The following SLC51A variants were observed in gnomAD, a reference collection of about 807,000 sequenced individuals.
The protein encoded by SLC51A is organic solute transporter subunit alpha.
SLC51A carries 22 observed loss-of-function variants against 34.8 expected under a neutral mutation model. The observed-to-expected ratio is 0.63, with a 90% CI of 0.45 to 0.90. The LOEUF is 0.90. Among genes scored for constraint, SLC51A ranks in the 40% least tolerant of loss-of-function variants. The pLI, the probability that SLC51A is intolerant of heterozygous loss-of-function variation, is 0.00. For missense variants in SLC51A, 371 were observed against 414.8 expected, an observed-to-expected ratio of 0.89 and a Z score of 0.92; for synonymous variants, 181 against 176.3, an observed-to-expected ratio of 1.03 and a Z score of -0.21.
intron 2 of SLC51A, 114 bp downstream of exon 2, chr3:196,218,050 T>C (rs536521548): frequency 1.1e-6 from 1 of 901,230 alleles, no homozygotes; most frequent in East Asian, 2.7e-5. Flanking sequence ...GGAGAATAAC[T>C]GGCCCGGTGT....
chr3:196,227,958 C>A, intron 4 of SLC51A, 157 bp from the exon 5 acceptor site: 1 of 1,063,040 alleles, frequency 9.4e-7, no homozygotes, highest in Non-Finnish European at 1.4e-6. Flanking sequence ...AATTCCCCTT[C>A]TCCCAGTCCT....
chr3:196,224,406 G>A (rs1188601311), intron 2 of SLC51A, among the ~76,000 whole-genome samples: 3 of 150,556 alleles, frequency 2.0e-5, no homozygotes, highest in Admixed American at 6.7e-5. Flanking sequence ...GTAGAAACGC[G>A]GTTGTCGGCT....
Position 196,227,715 on chromosome 3 carries a change from C to G in SLC51A, c.340C>G (p.Leu114Val). The change falls in exon 4 of 9, where the codon CTG becomes GTG. Residue 114 changes from leucine to valine, a missense_variant. By Grantham distance (32) the Leu-to-Val change is conservative. Coordinates refer to ENST00000296327, the MANE Select transcript of SLC51A (RefSeq NM_152672.6). ...FGLWIPRSLV[L>V]VEMTITSFYA... ...TCTCTGGATCCCTCGTTCCCTGGTGCTGGTGGAAATGACCATCACCTCGTG... is the reference window on the plus strand; with the variant it reads ...TCTCTGGATCCCTCGTTCCCTGGTGGTGGTGGAAATGACCATCACCTCGTG... 1 of 1,613,668 alleles carries G rather than the reference C, an allele frequency of 6.2e-7. No homozygotes were observed. The highest frequency in any genetic ancestry group is 8.5e-7 in the Non-Finnish European group (1 of 1,179,806).
At position 196,228,343 on chromosome 3, in the gene SLC51A, G is replaced by C; in HGVS notation, c.521+70G>C. The C allele has an allele frequency of 2.6e-6, 4 of 1,527,260 alleles. No homozygotes were observed. The highest frequency in any genetic ancestry group is 2.1e-5 in the Admixed American group (1 of 47,308). The allele number at this position is 1,527,260 out of a possible 1,614,324, so 94.6% of individuals were successfully genotyped here. On this transcript the variant is annotated intron_variant, in intron 5 of 8. Coordinates refer to ENST00000296327, the MANE Select transcript of SLC51A (RefSeq NM_152672.6). This position sits in a 1 kb window ranked among gnomAD's most constrained non-coding sequence, Gnocchi z 4.9. The stretch of plus-strand genomic sequence containing the variant: ...TCCTGGACCCCTGGTCCCCTTCAAG[G>C]CTCTGGGAATTAGGCGTGAATAGGC...
At position 196,216,782 on chromosome 3, in the gene SLC51A, G is replaced by T. The variant is rs199545046; in HGVS notation, c.38+32G>T. The T allele has an allele frequency of 6.4e-6, 10 of 1,555,996 alleles. No homozygotes were observed. Among genetic ancestry groups the T allele is most frequent in the East Asian group, 2.4e-5 (1 of 41,668 alleles). Reference sequence around the variant, plus strand: ...GAGGGCGGCGGGCCCTGGGCCAGTCGCTGGGCAGCGGTGGCCCCTATCCCG... The same window carrying T: ...GAGGGCGGCGGGCCCTGGGCCAGTCTCTGGGCAGCGGTGGCCCCTATCCCG... On this transcript the variant is annotated intron_variant, in intron 1 of 8. Transcript: ENST00000296327. This position sits in a 1 kb window ranked among gnomAD's most constrained non-coding sequence, Gnocchi z 4.5.
At position 196,222,889 on chromosome 3, in the gene SLC51A, A is replaced by G. The variant is rs548134417; in HGVS notation, c.134-4076A>G. ...CTCCTAAGAAGATAGTTTGATGGAC[A>G]GACCCAGTATCGGGCTATGGATGCT... On this transcript the variant is annotated intron_variant, in intron 2 of 8. Transcript: ENST00000296327. Among the ~76,000 whole-genome samples the G allele has an allele frequency of 2.0e-4, 30 of 152,008 alleles. 2 individuals carry two copies. The highest frequency in any genetic ancestry group is 3.5e-4 in the Non-Finnish European group (24 of 67,870).
At chr3:196,229,765 G>C in intron 6 of SLC51A, 150 bp from the exon 7 acceptor site, 1 of 816,310 alleles carries the variant, frequency 1.2e-6, no homozygotes, top group Non-Finnish European at 1.8e-6. Flanking sequence ...GAGGCGAGGG[G>C]ATCACTGGAG....
intron 7 of SLC51A, 95 bp downstream of exon 7, chr3:196,230,156 G>A (rs1723999444): frequency 5.7e-6 from 7 of 1,229,578 alleles, no homozygotes; most frequent in Non-Finnish European, 7.5e-6. Flanking sequence ...AGTGGGCCGG[G>A]AATCTTTTTC....
chr3:196,231,509 G>A (rs763081421), intron 7 of SLC51A, among the ~76,000 whole-genome samples: 6 of 152,246 alleles, frequency 3.9e-5, no homozygotes, highest in East Asian at 1.9e-4. Flanking sequence ...TTTGATCTAC[G>A]TACATGCCTC....
In SLC51A at chr3:196,216,843, G is replaced by T; in HGVS notation, c.38+93G>T. On this transcript the variant is annotated intron_variant, in intron 1 of 8. Coordinates refer to ENST00000296327, the MANE Select transcript of SLC51A (RefSeq NM_152672.6). This position sits in a 1 kb window ranked among gnomAD's most constrained non-coding sequence, Gnocchi z 4.5. Reference sequence around the variant, plus strand: ...TCTCTCCCTCCCAGAGCCCTTTGGCGGCCGCACTCAGAATGAGACAGGACT... The same window carrying T: ...TCTCTCCCTCCCAGAGCCCTTTGGCTGCCGCACTCAGAATGAGACAGGACT... 7.6e-7 allele frequency: 1 copy of T among 1,308,988 alleles called. No individual in the cohort carries two copies. The allele number at this position is 1,308,988 out of a possible 1,614,324, so 81.1% of individuals were successfully genotyped here.
Position 196,228,996 on chromosome 3 carries a change from C to A in SLC51A, c.633+76C>A. 1.6e-6 allele frequency: 2 copies of A among 1,235,256 alleles called. No homozygotes were observed. The highest frequency in any genetic ancestry group is 2.3e-5 in the East Asian group (1 of 42,906). The allele number at this position is 1,235,256 out of a possible 1,614,324, so 76.5% of individuals were successfully genotyped here. Reference sequence around the variant, plus strand: ...GTGTTCTAAAAGGAATCACCAGAGCCAACACCCCTTGACAGAGGGCCCCAG... The same window carrying A: ...GTGTTCTAAAAGGAATCACCAGAGCAAACACCCCTTGACAGAGGGCCCCAG... On this transcript the variant is annotated intron_variant, in intron 6 of 8. Coordinates refer to ENST00000296327, the MANE Select transcript of SLC51A (RefSeq NM_152672.6). This position sits in a 1 kb window ranked among gnomAD's most constrained non-coding sequence, Gnocchi z 4.9.
intron 2 of SLC51A, among the ~76,000 whole-genome samples, chr3:196,219,423 T>C (rs902579834): frequency 6.6e-6 from 1 of 152,222 alleles, no homozygotes; most frequent in African/African-American, 2.4e-5. Context: ...TACAAGTCTG[T>C]GTCTCTGTAG....
Position 196,228,715 on chromosome 3 carries a change from C to G in SLC51A, c.522-94C>G. 9.8e-7 allele frequency: 1 copy of G among 1,021,728 alleles called. No individual in the cohort carries two copies. Among genetic ancestry groups the G allele is most frequent in the Non-Finnish European group, 1.5e-6 (1 of 647,980 alleles). The allele number at this position is 1,021,728 out of a possible 1,614,324, so 63.3% of individuals were successfully genotyped here. ...CCTGGTTGGTGTTTATGACAGCAGC[C>G]GAGCCTCAGCCCAGGAGCCCTGTGA... is the stretch of plus-strand genomic sequence containing the variant. On this transcript the variant is annotated intron_variant, in intron 5 of 8. Coordinates refer to ENST00000296327, the MANE Select transcript of SLC51A (RefSeq NM_152672.6). The surrounding 1 kb of genome is among the most constrained non-coding windows in gnomAD (Gnocchi z 4.9).
At position 196,228,225 on chromosome 3, in the gene SLC51A, GC is replaced by G; in HGVS notation, c.477del (p.Cys160AlafsTer21). On this transcript the variant is annotated frameshift_variant, in exon 5 of 9. Coordinates refer to ENST00000296327, the MANE Select transcript of SLC51A (RefSeq NM_152672.6). LOFTEE classifies it high-confidence loss of function. The surrounding 1 kb of genome is among the most constrained non-coding windows in gnomAD (Gnocchi z 4.9). ...GACACCCCGATGATGGTCCACACAG[GC>G]CCCTGCTGCTGCTGCTGCCCCTGCT... is the stretch of plus-strand genomic sequence containing the variant. ...LRDTPMMVHT[G>X]PCCCCCPCCP... 2 of 1,613,778 alleles carry G rather than the reference GC, an allele frequency of 1.2e-6. No individual in the cohort carries two copies. Among genetic ancestry groups the G allele is most frequent in the Non-Finnish European group, 1.7e-6 (2 of 1,179,992 alleles).
Position 196,233,291 on chromosome 3 carries a change from C to A in SLC51A, c.*92C>A. On this transcript the variant is annotated 3_prime_UTR_variant, in exon 9 of 9. Transcript: ENST00000296327. Reference sequence around the variant, plus strand: ...CAACCTTGACCAAATGGGAAGCATTCCCCCTTGTCAACACAAGCTGGCAGA... The same window carrying A: ...CAACCTTGACCAAATGGGAAGCATTACCCCTTGTCAACACAAGCTGGCAGA... 1 of 1,403,248 alleles carries A rather than the reference C, an allele frequency of 7.1e-7. No homozygotes were observed. The highest frequency in any genetic ancestry group is 9.7e-7 in the Non-Finnish European group (1 of 1,027,340). 86.9% of individuals were successfully genotyped at this position (1,403,248 alleles called of 1,614,324 possible).
chr3:196,216,623 G>C lies in SLC51A; in HGVS notation c.-90G>C. The C allele has an allele frequency of 7.2e-7, 1 of 1,380,244 alleles. No individual in the cohort carries two copies. The highest frequency in any genetic ancestry group is 1.0e-6 in the Non-Finnish European group (1 of 997,208). 85.5% of individuals were successfully genotyped at this position (1,380,244 alleles called of 1,614,324 possible). A position where few individuals can be genotyped will look rare whatever the true frequency, so the allele number is the denominator to read the frequency against. ...CTGCTTGCCCCCCACCCCGGCCCAG[G>C]CAAGCCACCCTGCCCCCGGCCCCCA... On this transcript the variant is annotated 5_prime_UTR_variant, in exon 1 of 9. Coordinates refer to ENST00000296327, the MANE Select transcript of SLC51A (RefSeq NM_152672.6). This position sits in a 1 kb window ranked among gnomAD's most constrained non-coding sequence, Gnocchi z 4.5.
chr3:196,221,870 C>T (rs1318244491), intron 2 of SLC51A, among the ~76,000 whole-genome samples: 2 of 152,038 alleles, frequency 1.3e-5, no homozygotes, highest in East Asian at 1.9e-4. Context: ...CGCCCGCCAC[C>T]ACACCCGGCT....
intron 2 of SLC51A, among the ~76,000 whole-genome samples, chr3:196,220,598 A>C (rs1392300679): frequency 6.6e-6 from 1 of 152,188 alleles, no homozygotes; most frequent in African/African-American, 2.4e-5. Flanking sequence ...CTCCGTCTCA[A>C]CAACAGCAAA....
Position 196,216,597 on chromosome 3 carries a change from T to C in SLC51A, c.-116T>C. On this transcript the variant is annotated 5_prime_UTR_variant, in exon 1 of 9. Coordinates refer to ENST00000296327, the MANE Select transcript of SLC51A (RefSeq NM_152672.6). This position sits in a 1 kb window ranked among gnomAD's most constrained non-coding sequence, Gnocchi z 4.5. Reference sequence around the variant, plus strand: ...GCGGCAGAGGGGAAGACTCTGCAATTCTGCTTGCCCCCCACCCCGGCCCAG... The same window carrying C: ...GCGGCAGAGGGGAAGACTCTGCAATCCTGCTTGCCCCCCACCCCGGCCCAG... 2 of 1,067,904 alleles carry C rather than the reference T, an allele frequency of 1.9e-6. No individual in the cohort carries two copies. The highest frequency in any genetic ancestry group is 2.8e-6 in the Non-Finnish European group (2 of 715,968). The allele number at this position is 1,067,904 out of a possible 1,614,324, so 66.2% of individuals were successfully genotyped here. A position where few individuals can be genotyped will look rare whatever the true frequency, so the allele number is the denominator to read the frequency against.
Sources: allele counts gnomAD v4.1 joint callset (sites outside exome capture counted in the v4.1 genomes callset), GRCh38; gene constraint gnomAD v4.1.1; non-coding constraint Gnocchi (gnomAD v3.1); transcripts MANE v1.5; gene names NCBI Gene and HGNC (gene_info 2026-07-23, HGNC 2026-07-21).